SH3BGRL2: variants seen among roughly 807,000 people sequenced by gnomAD.
The protein encoded by SH3BGRL2 is SH3 domain-binding glutamic acid-rich-like protein 2.
In SH3BGRL2, 21 loss-of-function variants were observed where a neutral mutation model predicts 14.8. The ratio of observed to expected loss-of-function variants is 1.42; its 90% CI spans 1.01 to 2.05. The LOEUF is 2.05. Among genes scored for constraint, SH3BGRL2 ranks in the 30% most tolerant of loss-of-function variants. The probability of loss-of-function intolerance (pLI) is 0.00; values close to 1 mark genes in which losing one functional copy is unlikely to be tolerated. For synonymous variants in SH3BGRL2, 50 were observed against 47.8 expected (o/e 1.05, Z -0.19); for missense variants, 147 against 130.8 (o/e 1.12, Z -0.61).
At chr6:79,686,711 C>T (rs1336953799) in intron 2 of SH3BGRL2, among the ~76,000 whole-genome samples, 1 of 152,114 alleles carries the variant, frequency 6.6e-6, no homozygotes, top group Non-Finnish European at 1.5e-5. Context: ...TAAGTTATCT[C>T]TATGTTCTCC....
At chr6:79,669,690 C>T (rs1417073851) in intron 1 of SH3BGRL2, among the ~76,000 whole-genome samples, 1 of 152,098 alleles carries the variant, frequency 6.6e-6, no homozygotes, top group African/African-American at 2.4e-5. Context: ...GGTGATCCCC[C>T]CACCTCAGAC....
upstream of SH3BGRL2, among the ~76,000 whole-genome samples, chr6:79,627,532 G>GA (rs1255857156): frequency 1.3e-5 from 2 of 152,192 alleles, no homozygotes; most frequent in African/African-American, 4.8e-5. Flanking sequence ...TTATGGAGGT[G>GA]ATGAAATTTG....
the SH3BGRL2 span, among the ~76,000 whole-genome samples, chr6:79,552,233 G>A: frequency 6.6e-6 from 1 of 152,202 alleles, no homozygotes; most frequent in African/African-American, 2.4e-5. Flanking sequence ...CTGTAGTTAC[G>A]GCTGGTGGAA....
intron 2 of SH3BGRL2, among the ~76,000 whole-genome samples, chr6:79,674,328 A>G (rs1159584053): frequency 6.6e-6 from 1 of 152,156 alleles, no homozygotes; most frequent in East Asian, 1.9e-4. Flanking sequence ...ATCATTAAGA[A>G]TATCAGTGCA....
chr6:79,576,940 G>T, the SH3BGRL2 span, among the ~76,000 whole-genome samples: 2 of 152,192 alleles, frequency 1.3e-5, no homozygotes, highest in African/African-American at 2.4e-5. Flanking sequence ...TCCATGTGTT[G>T]CATGTCTCAG....
chr6:79,554,411 G>C, the SH3BGRL2 span, among the ~76,000 whole-genome samples: 5 of 152,154 alleles, frequency 3.3e-5, no homozygotes, highest in Non-Finnish European at 5.9e-5. Flanking sequence ...GCCTTTCTAA[G>C]CTTCTCTTGA....
At chr6:79,549,223 A>G in the SH3BGRL2 span, among the ~76,000 whole-genome samples, 1 of 152,242 alleles carries the variant, frequency 6.6e-6, no homozygotes, top group African/African-American at 2.4e-5. Context: ...GAAAATACAA[A>G]CTAAATAAAA....
chr6:79,622,323 T>G, the SH3BGRL2 span, among the ~76,000 whole-genome samples: 1 of 152,206 alleles, frequency 6.6e-6, no homozygotes, highest in Non-Finnish European at 1.5e-5. Flanking sequence ...TTGTTACTCT[T>G]AACTGAGGAA....
chr6:79,577,067 CTCTG>C, the SH3BGRL2 span, among the ~76,000 whole-genome samples: 106 of 152,298 alleles, frequency 7.0e-4, no homozygotes, highest in African/African-American at 2.3e-3. Flanking sequence ...TCTTCCCTCT[CTCTG>C]TCTCTCTTTT....
chr6:79,586,267 T>C, the SH3BGRL2 span, among the ~76,000 whole-genome samples: 2 of 128,592 alleles, frequency 1.6e-5, no homozygotes, highest in African/African-American at 5.8e-5. Flanking sequence ...TTTTTGCTCA[T>C]TAGCTATTGT....
At chr6:79,582,357 G>T in the SH3BGRL2 span, among the ~76,000 whole-genome samples, 2 of 152,100 alleles carry the variant, frequency 1.3e-5, no homozygotes, top group Non-Finnish European at 2.9e-5. Context: ...AACAAAACTG[G>T]AGACATCATG....
At chr6:79,679,956 G>T (rs1769957885) in intron 2 of SH3BGRL2, among the ~76,000 whole-genome samples, 2 of 152,162 alleles carry the variant, frequency 1.3e-5, no homozygotes, top group South Asian at 2.1e-4. Context: ...TGAGCTGTAG[G>T]TGTTCTTTAC....
At chr6:79,698,122 C>G (rs1770370275) in intron 3 of SH3BGRL2, among the ~76,000 whole-genome samples, 1 of 152,076 alleles carries the variant, frequency 6.6e-6, no homozygotes, top group South Asian at 2.1e-4. Flanking sequence ...GACACTGCCC[C>G]CATTCAGCCC....
chr6:79,550,450 G>A, the SH3BGRL2 span, among the ~76,000 whole-genome samples: 1 of 152,114 alleles, frequency 6.6e-6, no homozygotes, highest in Non-Finnish European at 1.5e-5. Context: ...TCTGTATAAT[G>A]AGAGCTTCAG....
the SH3BGRL2 span, among the ~76,000 whole-genome samples, chr6:79,549,774 TAGTA>T: frequency 2.0e-5 from 3 of 152,260 alleles, no homozygotes; most frequent in Admixed American, 1.3e-4. Context: ...TGTCTAAAAT[TAGTA>T]AGTTAAAAAA....
At chr6:79,614,581 C>G in the SH3BGRL2 span, among the ~76,000 whole-genome samples, 1 of 152,136 alleles carries the variant, frequency 6.6e-6, no homozygotes, top group Non-Finnish European at 1.5e-5. Flanking sequence ...GGGAGGCAGA[C>G]ATGACAGATG....
the SH3BGRL2 span, among the ~76,000 whole-genome samples, chr6:79,619,800 T>C: frequency 2.0e-5 from 3 of 152,320 alleles, no homozygotes; most frequent in East Asian, 1.9e-4. Flanking sequence ...CATCTATTCC[T>C]TTTCTCTTCT....
chr6:79,603,420 A>T, the SH3BGRL2 span, among the ~76,000 whole-genome samples: 1 of 152,196 alleles, frequency 6.6e-6, no homozygotes, highest in South Asian at 2.1e-4. Flanking sequence ...ATTGCAATTG[A>T]TTTACAATTA....
At chr6:79,579,110 G>C in the SH3BGRL2 span, among the ~76,000 whole-genome samples, 4 of 151,976 alleles carry the variant, frequency 2.6e-5, no homozygotes, top group Non-Finnish European at 5.9e-5. Context: ...AGAAAAAAGA[G>C]TAAAAAGAAA....
Sources: allele counts gnomAD v4.1 joint callset (sites outside exome capture counted in the v4.1 genomes callset), GRCh38; gene constraint gnomAD v4.1.1; transcripts MANE v1.5; gene names NCBI Gene and HGNC (gene_info 2026-07-23, HGNC 2026-07-21).